The following DYTN variants were observed in gnomAD, a reference collection of about 807,000 sequenced individuals.
DYTN encodes dystrotelin.
In DYTN, 75 loss-of-function variants were observed where a neutral mutation model predicts 69.6. The ratio of observed to expected loss-of-function variants is 1.08; its 90% CI spans 0.89 to 1.31. DYTN has a LOEUF of 1.31. Ranked by LOEUF, DYTN falls within the 50% of genes most tolerant of loss-of-function variation. DYTN has a pLI of 0.00. For missense variants in DYTN, 726 were observed against 688.4 expected, an observed-to-expected ratio of 1.05 and a Z score of -0.61; for synonymous variants, 252 against 249.1, an observed-to-expected ratio of 1.01 and a Z score of -0.11.
At chr2:206,699,613 C>G in intron 7 of DYTN, 114 bp downstream of exon 7, 1 of 1,314,410 alleles carries the variant, frequency 7.6e-7, no homozygotes. Flanking sequence ...CCAAAAAAGT[C>G]AACTGAATTT....
chr2:206,656,840 G>T (rs551299854), intron 11 of DYTN, among the ~76,000 whole-genome samples: 2 of 149,200 alleles, frequency 1.3e-5, no homozygotes, highest in African/African-American at 4.9e-5. Flanking sequence ...TTGGTTCACC[G>T]CAACCTCTGC....
chr2:206,681,955 CA>C (rs1699755114), intron 9 of DYTN, among the ~76,000 whole-genome samples: 2 of 152,258 alleles, frequency 1.3e-5, no homozygotes, highest in South Asian at 4.1e-4. Context: ...GGAATGGTAC[CA>C]GCTCCTCTTT....
intron 9 of DYTN, 147 bp downstream of exon 9, chr2:206,693,028 G>A (rs1699880892): frequency 2.4e-6 from 3 of 1,226,484 alleles, no homozygotes; most frequent in African/African-American, 3.1e-5. Context: ...CTTTTTAGAG[G>A]AAAAAAATAT....
At position 206,705,778 on chromosome 2, in the gene DYTN, T is replaced by C. The variant is rs1700019050; in HGVS notation, c.382+10A>G. 1.2e-6 allele frequency: 2 copies of C among 1,613,134 alleles called. No homozygotes were observed. Among genetic ancestry groups the C allele is most frequent in the South Asian group, 2.2e-5 (2 of 90,828 alleles). On this transcript the variant is annotated intron_variant, in intron 4 of 11. Transcript: ENST00000452335. ...GCACTTTAGGACACCCGCAGTCCTC[T>C]GCATGTTACCTCGGTATTTTGAAAG...
chr2:206,660,697 C>T lies in DYTN; in HGVS notation c.1633+2206G>A, dbSNP rs150426914. Among the ~76,000 whole-genome samples the T allele has an allele frequency of 2.6e-4, 40 of 152,300 alleles. No homozygotes were observed. In the East Asian group the frequency reaches 7.1e-3, roughly 27 times the overall value. The stretch of plus-strand genomic sequence containing the variant: ...CTTAAGAATCAGCACAAGCAGTTCC[C>T]ATCCCTTGCCTTTTGAGCATACTTC... On this transcript the variant is annotated intron_variant, in intron 11 of 11. Coordinates refer to ENST00000452335, the MANE Select transcript of DYTN (RefSeq NM_001093730.1).
intron 9 of DYTN, among the ~76,000 whole-genome samples, chr2:206,666,767 GTGT>G (rs1215294976): frequency 2.2e-5 from 3 of 137,624 alleles, no homozygotes; most frequent in Non-Finnish European, 3.2e-5. Flanking sequence ...GTGTGTGTGT[GTGT>G]TATCTTAGTG....
chr2:206,675,913 T>C (rs1029055215), intron 9 of DYTN, among the ~76,000 whole-genome samples: 3 of 152,166 alleles, frequency 2.0e-5, no homozygotes, highest in Non-Finnish European at 4.4e-5. Context: ...AGATGATCAT[T>C]AAAATGTCTG....
rs1217863446 is a variant in DYTN at position 206,663,251 on chromosome 2, G to A, written c.1285C>T (p.Pro429Ser). ...TCAACCTCATCAAGCTTAGGAAGAG[G>A]TTCCCCTGTTGAAGCATCTTCAGTG... ...NATEDASTGE[P>S]LPKLDEVDRS... Residue 429 changes from proline to serine, a missense_variant, in exon 11 of 12, where the codon CCT (proline) becomes TCT (serine). Coordinates refer to ENST00000452335, the MANE Select transcript of DYTN (RefSeq NM_001093730.1). The A allele has an allele frequency of 6.2e-7, 1 of 1,613,922 alleles. No homozygotes were observed. The highest frequency in any genetic ancestry group is 1.1e-5 in the South Asian group (1 of 91,054).
At chr2:206,662,807 T>C in intron 11 of DYTN, 96 bp downstream of exon 11, 1 of 1,506,416 alleles carries the variant, frequency 6.6e-7, no homozygotes, top group Non-Finnish European at 8.9e-7. Context: ...ACATACTAGA[T>C]GAACTGGAGC....
intron 9 of DYTN, among the ~76,000 whole-genome samples, chr2:206,674,580 T>C (rs892059648): frequency 1.1e-4 from 17 of 152,278 alleles, no homozygotes; most frequent in African/African-American, 4.1e-4. Flanking sequence ...AGTTGTTTAA[T>C]GTAGCCATAA....
chr2:206,706,760 C>T (rs1700031620), intron 3 of DYTN, among the ~76,000 whole-genome samples: 1 of 152,044 alleles, frequency 6.6e-6, no homozygotes, highest in South Asian at 2.1e-4. Context: ...TGAAACCTTA[C>T]AGCTCAAAAA....
At chr2:206,694,218 C>T (rs745671836) in intron 8 of DYTN, among the ~76,000 whole-genome samples, 1 of 152,098 alleles carries the variant, frequency 6.6e-6, no homozygotes, top group Admixed American at 6.6e-5. Context: ...ACTGAATTCA[C>T]TTGCTAGGTA....
At chr2:206,682,922 G>A (rs1310927436) in intron 9 of DYTN, among the ~76,000 whole-genome samples, 11 of 152,040 alleles carry the variant, frequency 7.2e-5, no homozygotes, top group Non-Finnish European at 1.5e-5. Flanking sequence ...ATCTAAGGAT[G>A]AGAATATAAG....
chr2:206,715,457 G>A (rs1278613869), intron 1 of DYTN, among the ~76,000 whole-genome samples: 1 of 152,138 alleles, frequency 6.6e-6, no homozygotes, highest in Non-Finnish European at 1.5e-5. Context: ...GTTGCTTGCT[G>A]GGAAGGGAAG....
At chr2:206,658,804 C>T (rs1156783039) in intron 11 of DYTN, among the ~76,000 whole-genome samples, 1 of 152,090 alleles carries the variant, frequency 6.6e-6, no homozygotes, top group Non-Finnish European at 1.5e-5. Flanking sequence ...CAAACCATGC[C>T]CTCCTAATAT....
At chr2:206,692,805 C>CTT (rs574617680) in intron 9 of DYTN, among the ~76,000 whole-genome samples, 2 of 143,778 alleles carry the variant, frequency 1.4e-5, no homozygotes, top group African/African-American at 2.5e-5. Flanking sequence ...CTTTCTTTTC[C>CTT]TTTTTTTTTT....
intron 4 of DYTN, among the ~76,000 whole-genome samples, chr2:206,705,384 C>CGGTCACTATGATTTTTGTAATA (rs1700015188): frequency 2.0e-5 from 3 of 152,238 alleles, no homozygotes. Flanking sequence ...AGGCATGAGC[C>CGGTCACTATGATTTTTGTAATA]ACCACGTCCG....
chr2:206,700,256 GA>G, intron 5 of DYTN, 40 bp from the exon 6 acceptor site: 1 of 1,608,954 alleles, frequency 6.2e-7, no homozygotes, highest in Non-Finnish European at 8.5e-7. Context: ...AGAAAGTGGA[GA>G]AATATGTCGT....
At position 206,663,054 on chromosome 2, in the gene DYTN, C is replaced by A. The variant is rs747178369; in HGVS notation, c.1482G>T (p.Met494Ile). The A allele has an allele frequency of 3.1e-6, 5 of 1,613,888 alleles. No individual in the cohort carries two copies. Among genetic ancestry groups the A allele is most frequent in the Admixed American group, 3.3e-5 (2 of 59,992 alleles). ...CAGGACTGCTCATTTCAGCAGGAAC[C>A]ATTTTGGGGATGTCCTGCTTCAGTC... ...QEGLKQDIPK[M>I]VPAEMSSPAL... is the part of the protein sequence containing the mutation. The change falls in exon 11 of 12, where the codon ATG becomes ATT. Residue 494 changes from methionine (M) to isoleucine (I), a missense_variant. Met to Ile is a conservative substitution (Grantham distance 10). Transcript: ENST00000452335.
Sources: gnomAD v4.1 joint callset for allele counts (sites outside exome capture counted in the v4.1 genomes callset) on GRCh38, gnomAD v4.1.1 for gene constraint, MANE v1.5 for transcripts, NCBI Gene and HGNC (gene_info 2026-07-23, HGNC 2026-07-21) for gene names.